Variants in SLC9A9 observed in about 807,000 individuals in gnomAD.
SLC9A9 encodes solute carrier family 9 member A9.
In SLC9A9, 62 loss-of-function variants were observed where a neutral mutation model predicts 77.8. The observed-to-expected ratio is 0.80, with a 90% CI of 0.65 to 0.98. SLC9A9 has a LOEUF of 0.98. Among genes scored for constraint, SLC9A9 ranks in the 50% least tolerant of loss-of-function variants. The pLI, the probability that SLC9A9 is intolerant of heterozygous loss-of-function variation, is 0.00. For synonymous variants in SLC9A9, 320 were observed against 283.5 expected, an observed-to-expected ratio of 1.13 and a Z score of -1.29; for missense variants, 775 against 774.9, an observed-to-expected ratio of 1.00 and a Z score of 0.00.
chr3:143,545,771 A>G (rs1008639717), intron 9 of SLC9A9, among the ~76,000 whole-genome samples: 4 of 152,182 alleles, frequency 2.6e-5, no homozygotes, highest in African/African-American at 9.6e-5. Context: ...TGATTGCCTC[A>G]TCCTTGGATT....
At chr3:143,703,673 C>T (rs184394941) in intron 4 of SLC9A9, among the ~76,000 whole-genome samples, 3 of 151,904 alleles carry the variant, frequency 2.0e-5, no homozygotes, top group South Asian at 2.1e-4. Flanking sequence ...AAAGAAAGAG[C>T]GAACCAAACC....
intron 12 of SLC9A9, among the ~76,000 whole-genome samples, chr3:143,382,579 C>G (rs1451908207): frequency 6.6e-6 from 1 of 152,142 alleles, no homozygotes; most frequent in Non-Finnish European, 1.5e-5. Flanking sequence ...AGGATTCAGA[C>G]TGTGGAGCCT....
chr3:143,521,621 C>A (rs184263033), intron 9 of SLC9A9, among the ~76,000 whole-genome samples: 79 of 152,080 alleles, frequency 5.2e-4, no homozygotes, highest in South Asian at 1.2e-3. Flanking sequence ...CCATTTCCTG[C>A]CTTCTTTTGT....
At chr3:143,414,475 T>C (rs2034155340) in intron 12 of SLC9A9, among the ~76,000 whole-genome samples, 1 of 152,260 alleles carries the variant, frequency 6.6e-6, no homozygotes, top group Non-Finnish European at 1.5e-5. Flanking sequence ...TAGAATGTGC[T>C]CTTTTCAGGT....
Position 143,803,787 on chromosome 3 carries a change from G to C in SLC9A9, c.379-6884C>G, listed in dbSNP as rs149196826. 5.6e-3 allele frequency among the ~76,000 whole-genome samples: 854 copies of C among 151,818 alleles called. 36 individuals are homozygous for C. Among genetic ancestry groups the C allele is most frequent in the Admixed American group, 0.051 (780 of 15,254 alleles). Reference sequence around the variant, plus strand: ...GCTTTGCATTTCCCTTTCTTCCAGCGCCTACACAGCTGTCCCCGCCTTACA... The same window carrying C: ...GCTTTGCATTTCCCTTTCTTCCAGCCCCTACACAGCTGTCCCCGCCTTACA... On this transcript the variant is annotated intron_variant, in intron 2 of 15. Coordinates refer to ENST00000316549, the MANE Select transcript of SLC9A9 (RefSeq NM_173653.4).
intron 5 of SLC9A9, among the ~76,000 whole-genome samples, chr3:143,669,457 T>C (rs1464805301): frequency 6.6e-6 from 1 of 152,118 alleles, no homozygotes; most frequent in African/African-American, 2.4e-5. Context: ...CTTCAAACGG[T>C]TTTCAGTATG....
At chr3:143,704,976 G>A (rs1933918989) in intron 4 of SLC9A9, among the ~76,000 whole-genome samples, 1 of 126,850 alleles carries the variant, frequency 7.9e-6, no homozygotes, top group African/African-American at 2.8e-5. Context: ...TGGGCAAGAA[G>A]AGTGAAACTC....
chr3:143,564,271 G>A (rs191785852), intron 8 of SLC9A9, among the ~76,000 whole-genome samples: 17 of 152,208 alleles, frequency 1.1e-4, no homozygotes, highest in East Asian at 1.9e-4. Context: ...TGATGAAGCC[G>A]TCAGATACAG....
At chr3:143,799,416 T>C (rs2008487240) in intron 2 of SLC9A9, among the ~76,000 whole-genome samples, 1 of 152,214 alleles carries the variant, frequency 6.6e-6, no homozygotes, top group East Asian at 1.9e-4. Context: ...GGCAGCCAAG[T>C]AGCAATGTAT....
chr3:143,754,241 T>G (rs1033962165), intron 4 of SLC9A9, among the ~76,000 whole-genome samples: 6 of 152,206 alleles, frequency 3.9e-5, no homozygotes. Context: ...GGAAAAGTGT[T>G]CTTGCAGCCA....
intron 5 of SLC9A9, among the ~76,000 whole-genome samples, chr3:143,682,219 T>G (rs545016506): frequency 6.6e-6 from 1 of 152,286 alleles, no homozygotes; most frequent in Admixed American, 6.5e-5. Context: ...CAAGTTAAAG[T>G]CACTACTTTC....
chr3:143,747,151 A>G (rs1402939987), intron 4 of SLC9A9, among the ~76,000 whole-genome samples: 3 of 152,176 alleles, frequency 2.0e-5, no homozygotes, highest in Non-Finnish European at 4.4e-5. Context: ...CACGCCTGCA[A>G]TCCCAGCACT....
At chr3:143,634,193 C>T (rs540042625) in intron 6 of SLC9A9, among the ~76,000 whole-genome samples, 71 of 150,946 alleles carry the variant, frequency 4.7e-4, no homozygotes, top group East Asian at 1.7e-3. Flanking sequence ...CTTATGCTGT[C>T]GATGATTCCA....
chr3:143,654,905 A>C (rs1045363859), intron 5 of SLC9A9, among the ~76,000 whole-genome samples: 2 of 152,248 alleles, frequency 1.3e-5, no homozygotes, highest in African/African-American at 2.4e-5. Context: ...TTAATTGAAT[A>C]TCCAGTTTTG....
intron 6 of SLC9A9, among the ~76,000 whole-genome samples, chr3:143,606,787 T>TA (rs1289217008): frequency 6.6e-5 from 10 of 150,478 alleles, no homozygotes; most frequent in Admixed American, 6.6e-4. Flanking sequence ...GATAGAAAGG[T>TA]AAAATGTAAA....
intron 12 of SLC9A9, among the ~76,000 whole-genome samples, chr3:143,429,921 G>A (rs143454673): frequency 1.3e-5 from 2 of 152,136 alleles, no homozygotes; most frequent in Non-Finnish European, 2.9e-5. Context: ...TTTCAAATTT[G>A]TTACTTTACA....
At chr3:143,508,671 C>A (rs1157240649) in intron 9 of SLC9A9, among the ~76,000 whole-genome samples, 1 of 152,144 alleles carries the variant, frequency 6.6e-6, no homozygotes, top group Non-Finnish European at 1.5e-5. Context: ...AGAAAAATTT[C>A]TTTTACCACA....
At chr3:143,272,999 G>C (rs1233227274) in intron 14 of SLC9A9, among the ~76,000 whole-genome samples, 1 of 152,250 alleles carries the variant, frequency 6.6e-6, no homozygotes, top group African/African-American at 2.4e-5. Context: ...TGGGCTAACA[G>C]CAGGTCCAGA....
intron 4 of SLC9A9, among the ~76,000 whole-genome samples, chr3:143,788,606 G>T (rs1242221561): frequency 6.8e-6 from 1 of 146,294 alleles, no homozygotes; most frequent in African/African-American, 2.6e-5. Flanking sequence ...CAAGAGAATT[G>T]CTTGAACCTG....
Sources: allele counts gnomAD v4.1 joint callset (sites outside exome capture counted in the v4.1 genomes callset), GRCh38; gene constraint gnomAD v4.1.1; transcripts MANE v1.5; gene names NCBI Gene and HGNC (gene_info 2026-07-23, HGNC 2026-07-21).